SYNE1: variants seen among roughly 807,000 people sequenced by gnomAD.
The protein encoded by SYNE1 is nesprin-1.
SYNE1 carries 616 observed loss-of-function variants against 1,111.0 expected under a neutral mutation model. That is an observed-to-expected ratio of 0.55 (90% confidence interval 0.52 to 0.59). The LOEUF is 0.59. SYNE1 is among the 20% of genes least tolerant of loss of function. The pLI, the probability that SYNE1 is intolerant of heterozygous loss-of-function variation, is 0.00. For missense variants in SYNE1, 10,006 were observed against 10,417.0 expected, an observed-to-expected ratio of 0.96 and a Z score of 1.72; for synonymous variants, 3,855 against 3,825.8, an observed-to-expected ratio of 1.01 and a Z score of -0.28.
chr6:152,607,142 G>A (rs1320916809), intron 3 of SYNE1, among the ~76,000 whole-genome samples: 6 of 148,942 alleles, frequency 4.0e-5, no homozygotes, highest in Admixed American at 6.7e-5. Flanking sequence ...CAGCCACCAC[G>A]CCTGGCTAAT....
At chr6:152,580,091 C>G (rs1046033107) in intron 3 of SYNE1, among the ~76,000 whole-genome samples, 32 of 152,240 alleles carry the variant, frequency 2.1e-4, no homozygotes, top group African/African-American at 7.5e-4. Context: ...AATCTCCAAA[C>G]TGCTTTCCAC....
In SYNE1 at chr6:152,409,728, A is replaced by G. The variant is rs1592107649; in HGVS notation, c.6231-19T>C. 1 of 1,612,716 alleles carries G rather than the reference A, an allele frequency of 6.2e-7. No homozygotes were observed. ...ACCCTGACTGTAATGATTAAAGAAA[A>G]TATATTATTTGGTGTCATGTATCAG... On this transcript the variant is annotated intron_variant, in intron 42 of 145. Transcript: ENST00000367255.
chr6:152,255,693 T>G lies in SYNE1; in HGVS notation c.19158A>C (p.Gly6386=), dbSNP rs748717377. ...SIHLEQKLYD[G]VSATSTWLDD... is the part of the protein sequence containing the mutation. ...CCAACCAAGTAGAGGTGGCTGAGAC[T>G]CCATCATACAACTTCTGCTCCAAGT... Residue 6386 remains glycine (G), a synonymous_variant, in exon 103 of 146, where the codon GGA becomes GGC. Transcript: ENST00000367255. 11 of 1,614,200 alleles carry G rather than the reference T, an allele frequency of 6.8e-6. No homozygotes were observed. Among genetic ancestry groups the G allele is most frequent in the Non-Finnish European group, 8.5e-6 (10 of 1,180,034 alleles).
At chr6:152,561,376 A>T (rs994409638) in intron 3 of SYNE1, among the ~76,000 whole-genome samples, 1 of 152,162 alleles carries the variant, frequency 6.6e-6, no homozygotes. Flanking sequence ...TTAACCAAGG[A>T]GATAAAAGAT....
chr6:152,157,617 C>G (rs1194787687), intron 131 of SYNE1, among the ~76,000 whole-genome samples: 1 of 152,068 alleles, frequency 6.6e-6, no homozygotes, highest in Admixed American at 6.5e-5. Context: ...TGACGGACAC[C>G]CCAAATACCC....
Position 152,262,208 on chromosome 6 carries a change from TC to T in SYNE1, c.18816-21del. ...TTTTCGCTATTAGAAGAATAAATAA[TC>T]TAAGTTTACAATGTGCACAAAAAAG... On this transcript the variant is annotated intron_variant, in intron 100 of 145. Transcript: ENST00000367255. 2 of 1,611,984 alleles carry T rather than the reference TC, an allele frequency of 1.2e-6. No homozygotes were observed. The highest frequency in any genetic ancestry group is 8.5e-7 in the Non-Finnish European group (1 of 1,178,788).
chr6:152,134,259 A>G (rs2056534837), intron 142 of SYNE1: 1 of 152,228 alleles, frequency 6.6e-6, no homozygotes, highest in South Asian at 2.1e-4. Flanking sequence ...GAGAAGTGGT[A>G]TGTTTTGTTT....
intron 130 of SYNE1, among the ~76,000 whole-genome samples, chr6:152,172,999 A>G (rs2065571170): frequency 6.6e-6 from 1 of 152,234 alleles, no homozygotes. Flanking sequence ...TTAAATAGCC[A>G]TCCGTAGCTA....
chr6:152,305,412 C>T (rs1310034982), intron 91 of SYNE1, among the ~76,000 whole-genome samples: 6 of 152,040 alleles, frequency 3.9e-5, no homozygotes, highest in Non-Finnish European at 7.4e-5. Context: ...ACTACAGACA[C>T]CCGTCACCAC....
At chr6:152,521,700 C>T (rs148888437) in intron 5 of SYNE1, among the ~76,000 whole-genome samples, 2 of 152,192 alleles carry the variant, frequency 1.3e-5, no homozygotes, top group African/African-American at 2.4e-5. Flanking sequence ...CCAGGTTTTC[C>T]TTTGGGTTGT....
intron 128 of SYNE1, among the ~76,000 whole-genome samples, chr6:152,187,075 C>T (rs567816352): frequency 1.3e-4 from 20 of 152,266 alleles, no homozygotes; most frequent in Non-Finnish European, 2.4e-4. Context: ...CATGTAAATT[C>T]CTCATTGTGT....
At chr6:152,521,059 T>C (rs1396362939) in intron 5 of SYNE1, among the ~76,000 whole-genome samples, 1 of 152,162 alleles carries the variant, frequency 6.6e-6, no homozygotes, top group Non-Finnish European at 1.5e-5. Context: ...GTCTAGTGTT[T>C]GCCATTTTAT....
chr6:152,301,125 T>C (rs533853259), intron 92 of SYNE1, among the ~76,000 whole-genome samples: 14 of 152,342 alleles, frequency 9.2e-5, no homozygotes, highest in African/African-American at 2.9e-4. Flanking sequence ...GTCTGTGAAA[T>C]AAAGCTTGGT....
rs765469291 is a variant in SYNE1 at position 152,262,077 on chromosome 6, C to A, written c.18927G>T (p.Lys6309Asn). Reference protein sequence around the residue: ...WESLHQEFSTKQKLLQNVLEQ... With the variant: ...WESLHQEFSTNQKLLQNVLEQ... Reference sequence around the variant, plus strand: ...CCAGAACATTCTGTAGTAGTTTCTGCTTGGTACTAAATTCTTGATGTAGGC... The same window carrying A: ...CCAGAACATTCTGTAGTAGTTTCTGATTGGTACTAAATTCTTGATGTAGGC... The change falls in exon 101 of 146, where the codon AAG becomes AAT. Residue 6309 changes from lysine to asparagine, a missense_variant. Lys to Asn is a moderately conservative substitution (Grantham distance 94, BLOSUM62 0). Around this residue, in one of 7 missense-constraint regions of SYNE1, gnomAD observed 2,182 missense variants for 2,287.8 expected, o/e 0.95. Coordinates refer to ENST00000367255, the MANE Select transcript of SYNE1 (RefSeq NM_182961.4). 1 of 1,613,822 alleles carries A rather than the reference C, an allele frequency of 6.2e-7. No homozygotes were observed. Among genetic ancestry groups the A allele is most frequent in the Non-Finnish European group, 8.5e-7 (1 of 1,179,956 alleles).
At position 152,339,378 on chromosome 6, in the gene SYNE1, A is replaced by G; in HGVS notation, c.12226-12T>C. 1 of 1,613,164 alleles carries G rather than the reference A, an allele frequency of 6.2e-7. No homozygotes were observed. The highest frequency in any genetic ancestry group is 8.5e-7 in the Non-Finnish European group (1 of 1,179,294). ...CTGAAGTGTTTGACCTGGAAAAGGC[A>G]GTTATCAGAGTGAAAGAGATGCATC... On this transcript the variant is annotated splice_polypyrimidine_tract_variant and intron_variant, in intron 74 of 145. Coordinates refer to ENST00000367255, the MANE Select transcript of SYNE1 (RefSeq NM_182961.4).
intron 3 of SYNE1, among the ~76,000 whole-genome samples, chr6:152,589,294 A>G (rs1223744914): frequency 6.6e-6 from 1 of 152,192 alleles, no homozygotes; most frequent in Admixed American, 6.5e-5. Flanking sequence ...GAAATATACT[A>G]TTATTAGTTT....
chr6:152,197,867 T>A (rs771807839), intron 127 of SYNE1, among the ~76,000 whole-genome samples: 14 of 152,244 alleles, frequency 9.2e-5, no homozygotes, highest in Non-Finnish European at 1.6e-4. Flanking sequence ...AACAAGAGAG[T>A]TAGCCTTTTC....
At chr6:152,636,050 G>A (rs1294104647) in intron 2 of SYNE1, among the ~76,000 whole-genome samples, 1 of 152,174 alleles carries the variant, frequency 6.6e-6, no homozygotes, top group South Asian at 2.1e-4. Context: ...AGCAATGCAA[G>A]ATCTCTCTAT....
At chr6:152,226,631 G>A (rs2081629543) in intron 115 of SYNE1, among the ~76,000 whole-genome samples, 1 of 152,156 alleles carries the variant, frequency 6.6e-6, no homozygotes, top group Non-Finnish European at 1.5e-5. Flanking sequence ...CTATTTTAAT[G>A]CCATCTGAAA....
Sources: gnomAD v4.1 joint callset for allele counts (sites outside exome capture counted in the v4.1 genomes callset) on GRCh38, gnomAD v4.1.1 for gene constraint, gnomAD v4.1.1 regional missense constraint, MANE v1.5 for transcripts, NCBI Gene and HGNC (gene_info 2026-07-23, HGNC 2026-07-21) for gene names.